Variants in PDE1A observed in about 807,000 individuals in gnomAD.
PDE1A encodes the protein phosphodiesterase 1A.
PDE1A carries 35 observed loss-of-function variants against 61.7 expected under a neutral mutation model. The observed-to-expected ratio is 0.57, with a 90% CI of 0.43 to 0.75. The LOEUF is 0.75. Among genes scored for constraint, PDE1A ranks in the 30% least tolerant of loss-of-function variants. PDE1A has a pLI of 0.00. For synonymous variants in PDE1A, 232 were observed against 213.2 expected (o/e 1.09, Z -0.77); for missense variants, 597 against 630.6 (o/e 0.95, Z 0.57).
chr2:182,206,630 A>G (rs1687126976), intron 7 of PDE1A, among the ~76,000 whole-genome samples: 1 of 152,056 alleles, frequency 6.6e-6, no homozygotes, highest in Non-Finnish European at 1.5e-5. Flanking sequence ...CTTCTTCAAA[A>G]TGTTATGTAG....
intron 1 of PDE1A, among the ~76,000 whole-genome samples, chr2:182,282,166 C>A (rs1223457852): frequency 6.6e-6 from 1 of 151,930 alleles, no homozygotes; most frequent in Non-Finnish European, 1.5e-5. Flanking sequence ...TAATCCTAAT[C>A]TTTTACCACT....
chr2:182,182,436 T>A (rs7589989), intron 13 of PDE1A, among the ~76,000 whole-genome samples: 1 of 151,922 alleles, frequency 6.6e-6, no homozygotes, highest in East Asian at 1.9e-4. Flanking sequence ...CCATTACTAC[T>A]TGGTCTAAGC....
At chr2:182,442,069 A>G (rs1684832170) in intron 2 of PDE1A, among the ~76,000 whole-genome samples, 1 of 152,114 alleles carries the variant, frequency 6.6e-6, no homozygotes, top group Admixed American at 6.6e-5. Flanking sequence ...CATCCTCAAT[A>G]TATCATTCTA....
At chr2:182,533,450 A>G in the PDE1A span, among the ~76,000 whole-genome samples, 1 of 152,232 alleles carries the variant, frequency 6.6e-6, no homozygotes, top group Non-Finnish European at 1.5e-5. Context: ...TCTTAGTAAA[A>G]GTGATGGAAT....
At chr2:182,621,620 C>T in the PDE1A span, among the ~76,000 whole-genome samples, 1 of 150,686 alleles carries the variant, frequency 6.6e-6, no homozygotes, top group Non-Finnish European at 1.5e-5. Flanking sequence ...CAAATAATTC[C>T]TTGTTTTTCT....
At chr2:182,574,944 C>G in the PDE1A span, among the ~76,000 whole-genome samples, 1 of 152,174 alleles carries the variant, frequency 6.6e-6, no homozygotes, top group Admixed American at 6.5e-5. Flanking sequence ...CCCACCTCAG[C>G]CTCCCAAGGT....
chr2:182,525,718 A>G (rs556781562), upstream of PDE1A, among the ~76,000 whole-genome samples: 41 of 152,290 alleles, frequency 2.7e-4, no homozygotes, highest in Middle Eastern at 3.4e-3. Flanking sequence ...CCAGTCTCAG[A>G]TATTTCTTTA....
At chr2:182,378,752 C>A (rs1490249694) in intron 1 of PDE1A, among the ~76,000 whole-genome samples, 7 of 152,210 alleles carry the variant, frequency 4.6e-5, no homozygotes, top group African/African-American at 1.7e-4. Context: ...ATGTTATGCA[C>A]TGTATTGTTC....
chr2:182,657,472 C>T, the PDE1A span, among the ~76,000 whole-genome samples: 2,791 of 152,200 alleles, frequency 0.018, 37 homozygotes, highest in South Asian at 0.049. Context: ...ACTTGCCAGA[C>T]CTTAGCAAAA....
chr2:182,591,419 G>A, the PDE1A span, among the ~76,000 whole-genome samples: 3 of 152,144 alleles, frequency 2.0e-5, no homozygotes, highest in East Asian at 5.8e-4. Context: ...TATTCTGGCA[G>A]CAAGAGTCAG....
At chr2:182,507,078 CT>C (rs1314273060) in intron 2 of PDE1A, among the ~76,000 whole-genome samples, 1 of 152,134 alleles carries the variant, frequency 6.6e-6, no homozygotes, top group Non-Finnish European at 1.5e-5. Flanking sequence ...ATTAGACTAT[CT>C]TTCTAAAAAG....
intron 2 of PDE1A, among the ~76,000 whole-genome samples, chr2:182,455,971 C>T (rs62188295): frequency 0.17 from 25,454 of 151,384 alleles, 2,498 homozygotes; most frequent in Middle Eastern, 0.36. Context: ...TGTGTGCTGA[C>T]TGTTCAAAGT....
the PDE1A span, among the ~76,000 whole-genome samples, chr2:182,550,403 A>G: frequency 6.6e-6 from 1 of 152,158 alleles, no homozygotes; most frequent in African/African-American, 2.4e-5. Flanking sequence ...GCTCTGGGCA[A>G]CTATTATACT....
chr2:182,523,567 T>G (rs1436533783), upstream of PDE1A, among the ~76,000 whole-genome samples: 1 of 152,226 alleles, frequency 6.6e-6, no homozygotes, highest in Non-Finnish European at 1.5e-5. Context: ...TGTAGTTTTA[T>G]TTCTTCTTGC....
At chr2:182,650,272 C>A in the PDE1A span, among the ~76,000 whole-genome samples, 1 of 152,172 alleles carries the variant, frequency 6.6e-6, no homozygotes, top group Non-Finnish European at 1.5e-5. Flanking sequence ...TGCAGTCTAA[C>A]TCAGATTTTT....
At chr2:182,310,166 G>C (rs1326953301) in intron 1 of PDE1A, among the ~76,000 whole-genome samples, 1 of 152,074 alleles carries the variant, frequency 6.6e-6, no homozygotes, top group African/African-American at 2.4e-5. Context: ...CTTCAACATT[G>C]CACACATTAT....
Position 182,371,026 on chromosome 2 carries a change from G to C in PDE1A, c.53+55552C>G, listed in dbSNP as rs576230918. Among the ~76,000 whole-genome samples, 23 of 152,250 alleles carry C rather than the reference G, an allele frequency of 1.5e-4. No individual in the cohort carries two copies. The South Asian group carries it at 3.5e-3, about 23-fold the overall frequency. ...AAACGCAATCAATTAACATATCTGA[G>C]AAATACAAAGAAAAAGTTTTCCCAG... On this transcript the variant is annotated intron_variant, in intron 1 of 13. Transcript: ENST00000351439.
At chr2:182,190,412 C>A (rs1685590125) in intron 10 of PDE1A, among the ~76,000 whole-genome samples, 1 of 152,188 alleles carries the variant, frequency 6.6e-6, no homozygotes, top group Non-Finnish European at 1.5e-5. Flanking sequence ...TGCCACTAGT[C>A]TTAGAGTCAG....
chr2:182,647,922 A>G, the PDE1A span, among the ~76,000 whole-genome samples: 4 of 152,306 alleles, frequency 2.6e-5, no homozygotes, highest in Non-Finnish European at 5.9e-5. Context: ...TACTGAGGAA[A>G]AAAAAAGGCA....
Sources: allele counts gnomAD v4.1 joint callset (sites outside exome capture counted in the v4.1 genomes callset), GRCh38; gene constraint gnomAD v4.1.1; transcripts MANE v1.5; gene names NCBI Gene and HGNC (gene_info 2026-07-23, HGNC 2026-07-21).